DYTN: variants seen among roughly 807,000 people sequenced by gnomAD.
The protein encoded by DYTN is dystrotelin.
Under a neutral mutation model 69.6 loss-of-function variants are expected in DYTN, and 75 were observed. That is an observed-to-expected ratio of 1.08 (90% CI 0.89 to 1.31). DYTN has a LOEUF of 1.31. Ranked by LOEUF, DYTN falls within the 50% of genes most tolerant of loss-of-function variation. The pLI is 0.00. For synonymous variants in DYTN, 252 were observed against 249.1 expected (o/e 1.01, Z -0.11); for missense variants, 726 against 688.4 (o/e 1.05, Z -0.61).
intron 1 of DYTN, among the ~76,000 whole-genome samples, chr2:206,714,065 T>C (rs571508339): frequency 6.6e-6 from 1 of 152,288 alleles, no homozygotes; most frequent in African/African-American, 2.4e-5. Flanking sequence ...TGACATTCAT[T>C]TTTGTCTCGT....
chr2:206,662,728 G>A (rs1001698529), intron 11 of DYTN, among the ~76,000 whole-genome samples, 175 bp downstream of exon 11: 2 of 150,590 alleles, frequency 1.3e-5, no homozygotes, highest in African/African-American at 4.9e-5. Context: ...CAACAGACCT[G>A]TGAATTAGGT....
chr2:206,659,477 C>G (rs1436245268), intron 11 of DYTN, among the ~76,000 whole-genome samples: 1 of 64,196 alleles, frequency 1.6e-5, no homozygotes, highest in Non-Finnish European at 2.7e-5. Context: ...CCGGGCCCAA[C>G]AATTCTCAAA....
chr2:206,685,307 G>A (rs13399479), intron 9 of DYTN, among the ~76,000 whole-genome samples: 43,488 of 151,608 alleles, frequency 0.29, 8,623 homozygotes, highest in African/African-American at 0.57. Context: ...AACCACAGGC[G>A]TGCACCACCA....
intron 9 of DYTN, among the ~76,000 whole-genome samples, chr2:206,673,508 G>A (rs1295061804): frequency 1.3e-5 from 2 of 152,214 alleles, no homozygotes; most frequent in Non-Finnish European, 2.9e-5. Flanking sequence ...TGCCCACCTC[G>A]GCCTCCTAAA....
In DYTN at chr2:206,704,856, G is replaced by A. The variant is rs114675847; in HGVS notation, c.470C>T (p.Thr157Ile). The stretch of plus-strand genomic sequence containing the variant: ...TTAGGAATTTACCTGCTGTAGATCT[G>A]TTAGTAGTTTTCTCAAAACCCTTCG... ...MTRRVLRKLL[T>I]DLQQIPTFVG... The change falls in exon 5 of 12, where the codon ACA (threonine) becomes ATA (isoleucine). Residue 157 changes from threonine to isoleucine, a missense_variant. Coordinates refer to ENST00000452335, the MANE Select transcript of DYTN (RefSeq NM_001093730.1). The A allele has an allele frequency of 1.5e-3, 2,396 of 1,613,484 alleles. 28 individuals are homozygous for A. The African/African-American group carries it at 0.027, about 18-fold the overall frequency.
At chr2:206,677,699 A>G (rs1007237348) in intron 9 of DYTN, among the ~76,000 whole-genome samples, 1 of 152,160 alleles carries the variant, frequency 6.6e-6, no homozygotes, top group Non-Finnish European at 1.5e-5. Context: ...AGAGACTGAT[A>G]ATGTTTTTAG....
chr2:206,681,562 T>C (rs1699750292), intron 9 of DYTN, among the ~76,000 whole-genome samples: 1 of 152,210 alleles, frequency 6.6e-6, no homozygotes, highest in Non-Finnish European at 1.5e-5. Flanking sequence ...ATACCTAGTT[T>C]ATCGAGAGTT....
intron 1 of DYTN, among the ~76,000 whole-genome samples, chr2:206,715,375 C>T (rs1700116900): frequency 6.6e-6 from 1 of 152,104 alleles, no homozygotes; most frequent in African/African-American, 2.4e-5. Flanking sequence ...GGGACGGCAG[C>T]TCTCAGATGC....
intron 5 of DYTN, among the ~76,000 whole-genome samples, chr2:206,704,498 T>A (rs1316419538): frequency 6.6e-6 from 1 of 152,234 alleles, no homozygotes; most frequent in Non-Finnish European, 1.5e-5. Flanking sequence ...GTGGTGATTA[T>A]CTGTACCTAT....
At chr2:206,657,025 G>A (rs1356329002) in intron 11 of DYTN, among the ~76,000 whole-genome samples, 2 of 152,096 alleles carry the variant, frequency 1.3e-5, no homozygotes, top group Non-Finnish European at 2.9e-5. Flanking sequence ...GCTTCCCAAA[G>A]TGCTGGGATT....
chr2:206,671,540 T>C (rs1383725130), intron 9 of DYTN, among the ~76,000 whole-genome samples: 5 of 152,208 alleles, frequency 3.3e-5, no homozygotes, highest in African/African-American at 9.6e-5. Context: ...AATTGCAGAA[T>C]ATCATGGCTT....
rs745490336 is a variant in DYTN, at chr2:206,699,840, A to G, written c.606T>C (p.Ser202=). Residue 202 remains serine (S), a synonymous_variant, in exon 7 of 12, where the codon TCT becomes TCC. Coordinates refer to ENST00000452335, the MANE Select transcript of DYTN (RefSeq NM_001093730.1). ...KEEKFLSWVQ[S]EPPILLWLPT... is the part of the protein sequence containing the mutation. ...GGAGCCACAGGAGGATGGGAGGCTC[A>G]GATTGGACCCAAGACAGGAATTTTT... 1.9e-6 allele frequency: 3 copies of G among 1,613,762 alleles called. No homozygotes were observed. In the South Asian group the frequency reaches 3.3e-5, roughly 18 times the overall value.
At chr2:206,671,331 C>T (rs924462171) in intron 9 of DYTN, among the ~76,000 whole-genome samples, 3 of 152,256 alleles carry the variant, frequency 2.0e-5, no homozygotes, top group Admixed American at 2.0e-4. Flanking sequence ...AGCAAAAGGG[C>T]AGTAGCAGGA....
At chr2:206,663,588 C>T (rs970765966) in intron 10 of DYTN, among the ~76,000 whole-genome samples, 193 bp from the exon 11 acceptor site, 10 of 152,110 alleles carry the variant, frequency 6.6e-5, no homozygotes, top group East Asian at 5.8e-4. Context: ...TCTACAAGAG[C>T]TGGAACAGCT....
chr2:206,666,382 C>T (rs568449510), intron 9 of DYTN, among the ~76,000 whole-genome samples: 12 of 152,312 alleles, frequency 7.9e-5, no homozygotes, highest in African/African-American at 2.9e-4. Flanking sequence ...GTTTGTTCAC[C>T]ATGTGCAGCT....
chr2:206,696,188 G>T (rs1337637206), intron 7 of DYTN, among the ~76,000 whole-genome samples: 1 of 152,164 alleles, frequency 6.6e-6, no homozygotes, highest in Non-Finnish European at 1.5e-5. Context: ...TTAAAGCAAA[G>T]AAAATCCCAA....
At chr2:206,713,178 T>C (rs77059572) in intron 1 of DYTN, among the ~76,000 whole-genome samples, 5,097 of 152,330 alleles carry the variant, frequency 0.033, 107 homozygotes, top group East Asian at 0.058. Flanking sequence ...AATATGTGTA[T>C]CTCGTGGAAT....
Position 206,651,874 on chromosome 2 carries a change from C to T in DYTN, c.1681G>A (p.Val561Met), listed in dbSNP as rs888240848. ...NMDLYSGAQR[V>M]CRAFSALVDQ... is the part of the protein sequence containing the mutation. The stretch of plus-strand genomic sequence containing the variant: ...ACAAGGGCAGAGAAGGCCCTGCACA[C>T]TCGCTGAGCTCCACTGTACAGGTCC... The change falls in exon 12 of 12, where the codon GTG (valine) becomes ATG (methionine). Residue 561 changes from valine (V) to methionine (M), a missense_variant. By Grantham distance (21) the Val-to-Met change is conservative. Coordinates refer to ENST00000452335, the MANE Select transcript of DYTN (RefSeq NM_001093730.1). 13 of 1,613,638 alleles carry T rather than the reference C, an allele frequency of 8.1e-6. No individual in the cohort carries two copies. The highest frequency in any genetic ancestry group is 1.1e-5 in the Non-Finnish European group (13 of 1,179,642).
At chr2:206,718,040 T>C (rs972827473) in intron 1 of DYTN, among the ~76,000 whole-genome samples, 1 of 152,236 alleles carries the variant, frequency 6.6e-6, no homozygotes, top group African/African-American at 2.4e-5. Context: ...TGTTAGATTA[T>C]TTTTGGTGCT....
Sources: gnomAD v4.1 joint callset for allele counts (sites outside exome capture counted in the v4.1 genomes callset) on GRCh38, gnomAD v4.1.1 for gene constraint, MANE v1.5 for transcripts, NCBI Gene and HGNC (gene_info 2026-07-23, HGNC 2026-07-21) for gene names.